NELL2: variants seen among roughly 807,000 people sequenced by gnomAD.
The protein encoded by NELL2 is protein kinase C-binding protein NELL2.
NELL2 carries 41 observed loss-of-function variants against 109.6 expected under a neutral mutation model. That is an observed-to-expected ratio of 0.37 (90% CI 0.29 to 0.49). The LOEUF (loss-of-function observed/expected upper bound fraction) is 0.49, where lower values mean the gene tolerates loss of function less well. NELL2 is among the 20% of genes least tolerant of loss of function. The pLI is 0.98. For synonymous variants in NELL2, 355 were observed against 344.7 expected (o/e 1.03, Z -0.33); for missense variants, 900 against 1,008.3 (o/e 0.89, Z 1.45).
upstream of NELL2, among the ~76,000 whole-genome samples, chr12:44,916,290 A>G (rs746054304): frequency 5.3e-5 from 8 of 152,236 alleles, no homozygotes; most frequent in Non-Finnish European, 1.2e-4. Context: ...AAATGAGGCA[A>G]AGAAAATAGT....
At chr12:44,644,604 G>GTGTATATATATATATA (rs1241074750) in intron 13 of NELL2, among the ~76,000 whole-genome samples, 49 of 81,222 alleles carry the variant, frequency 6.0e-4, no homozygotes, top group African/African-American at 1.9e-3. Context: ...ATATATATAT[G>GTGTATATATATATATA]TATGTATATA....
intron 9 of NELL2, among the ~76,000 whole-genome samples, chr12:44,722,427 A>C (rs1938828070): frequency 6.6e-6 from 1 of 152,136 alleles, no homozygotes. Context: ...TGACCTCCCA[A>C]AGTGCTGGGA....
chr12:44,753,379 G>T (rs1219702205), intron 9 of NELL2, among the ~76,000 whole-genome samples: 3 of 152,152 alleles, frequency 2.0e-5, no homozygotes, highest in Non-Finnish European at 4.4e-5. Context: ...TGAGGTATTT[G>T]TTCAATTAAT....
At chr12:44,597,822 A>T (rs1945027048) in intron 15 of NELL2, among the ~76,000 whole-genome samples, 3 of 152,206 alleles carry the variant, frequency 2.0e-5, no homozygotes, top group Admixed American at 6.5e-5. Flanking sequence ...AAACTAAAGG[A>T]AAGGGGCAAA....
At chr12:44,546,680 T>C (rs969224319) in intron 15 of NELL2, among the ~76,000 whole-genome samples, 1 of 152,228 alleles carries the variant, frequency 6.6e-6, no homozygotes, top group African/African-American at 2.4e-5. Flanking sequence ...AATTAAATTT[T>C]GTGTTCACTT....
At chr12:44,705,044 A>C (rs374951380) in intron 11 of NELL2, among the ~76,000 whole-genome samples, 17 of 151,894 alleles carry the variant, frequency 1.1e-4, no homozygotes, top group African/African-American at 3.6e-4. Flanking sequence ...AGGACTAAAA[A>C]AGTATATTTC....
chr12:44,539,423 T>C (rs537034598), intron 15 of NELL2, among the ~76,000 whole-genome samples: 191 of 152,284 alleles, frequency 1.3e-3, no homozygotes, highest in Non-Finnish European at 2.2e-3. Flanking sequence ...TTTGGGAGAA[T>C]TGAAATCTTT....
chr12:44,912,539 G>T lies in NELL2; in HGVS notation c.38+1260C>A, dbSNP rs148227846. ...TAAAGGAGAAAATCAGAGAACTAAT[G>T]TTCTGTGGGAATGTATTCTGGAAAA... is the stretch of plus-strand genomic sequence containing the variant. On this transcript the variant is annotated intron_variant, in intron 1 of 20. Coordinates refer to the NELL2 transcript ENST00000333837. 8.1e-4 allele frequency among the ~76,000 whole-genome samples: 123 copies of T among 152,172 alleles called. 1 individual carries two copies. Among genetic ancestry groups the T allele is most frequent in the Admixed American group, 3.9e-3 (60 of 15,276 alleles).
chr12:44,756,523 C>A (rs1940897315), intron 9 of NELL2, among the ~76,000 whole-genome samples: 1 of 152,120 alleles, frequency 6.6e-6, no homozygotes, highest in African/African-American at 2.4e-5. Context: ...CCACTCCCCA[C>A]AGCCACTCTA....
At chr12:44,555,331 A>G (rs768461422) in intron 15 of NELL2, among the ~76,000 whole-genome samples, 1 of 152,182 alleles carries the variant, frequency 6.6e-6, no homozygotes, top group South Asian at 2.1e-4. Context: ...CTGGTTTTAT[A>G]GCTATTTTGG....
rs143784272 is a variant in NELL2 at position 44,869,629 on chromosome 12, A to G, written c.184+5596T>C. Among the ~76,000 whole-genome samples, 781 of 152,286 alleles carry G rather than the reference A, an allele frequency of 5.1e-3. 3 individuals are homozygous for G. Among genetic ancestry groups the G allele is most frequent in the Non-Finnish European group, 8.4e-3 (569 of 68,016 alleles). On this transcript the variant is annotated intron_variant, in intron 2 of 19. Coordinates refer to ENST00000429094, the MANE Select transcript of NELL2 (RefSeq NM_001145108.2). Reference sequence around the variant, plus strand: ...AGGCTCCTCCATAGATATTTCTTGGATAATTCCATCTCTATTTGTGACCTC... The same window carrying G: ...AGGCTCCTCCATAGATATTTCTTGGGTAATTCCATCTCTATTTGTGACCTC...
At chr12:44,874,666 T>A (rs1253193561) in intron 2 of NELL2, among the ~76,000 whole-genome samples, 1 of 152,236 alleles carries the variant, frequency 6.6e-6, no homozygotes, top group Admixed American at 6.5e-5. Context: ...CATTATTCCC[T>A]TTCTCTTGTT....
At chr12:44,552,725 C>T (rs1019960497) in intron 15 of NELL2, among the ~76,000 whole-genome samples, 9 of 152,102 alleles carry the variant, frequency 5.9e-5, no homozygotes, top group African/African-American at 2.2e-4. Context: ...AAGCCAGTTA[C>T]TTGTGTTTAC....
intron 2 of NELL2, among the ~76,000 whole-genome samples, chr12:44,833,553 A>G (rs964740209): frequency 6.6e-6 from 1 of 152,212 alleles, no homozygotes; most frequent in Non-Finnish European, 1.5e-5. Flanking sequence ...ACTACCAGCA[A>G]TTATAGCCCA....
At chr12:44,878,410 G>T (rs962823859), upstream of NELL2, among the ~76,000 whole-genome samples, 6 of 152,224 alleles carry the variant, frequency 3.9e-5, no homozygotes, top group Admixed American at 3.3e-4. Context: ...GTGAGCCATT[G>T]TATTAGCTAG....
At chr12:44,777,744 G>A (rs1261306564) in intron 5 of NELL2, among the ~76,000 whole-genome samples, 1 of 152,184 alleles carries the variant, frequency 6.6e-6, no homozygotes, top group East Asian at 1.9e-4. Flanking sequence ...ACTGAGTCAT[G>A]AAAGCATGCT....
rs375674814 is a variant in NELL2, at chr12:44,544,100, TA to T, written c.1664-11380del. Among the ~76,000 whole-genome samples, 98 of 151,266 alleles carry T rather than the reference TA, an allele frequency of 6.5e-4. 3 individuals are homozygous for T. In the South Asian group the frequency reaches 0.019, roughly 29 times the overall value. On this transcript the variant is annotated intron_variant, in intron 15 of 19. Transcript: ENST00000429094. ...CATCTTTACATTTCATAGGGAGGAA[TA>T]AAAAAAAACCATTGTAGTTGATACG...
intron 2 of NELL2, among the ~76,000 whole-genome samples, chr12:44,830,321 C>T (rs1943847170): frequency 6.6e-6 from 1 of 152,124 alleles, no homozygotes. Flanking sequence ...TCATCTTCTA[C>T]CTAATAGGCT....
At chr12:44,738,524 G>A (rs1355568271) in intron 9 of NELL2, among the ~76,000 whole-genome samples, 1 of 151,666 alleles carries the variant, frequency 6.6e-6, no homozygotes, top group East Asian at 1.9e-4. Context: ...GGATGAACCT[G>A]GAGGACATTA....
Sources: gnomAD v4.1 joint callset for allele counts (sites outside exome capture counted in the v4.1 genomes callset) on GRCh38, gnomAD v4.1.1 for gene constraint, MANE v1.5 for transcripts, NCBI Gene and HGNC (gene_info 2026-07-23, HGNC 2026-07-21) for gene names.